AP1G1: variants seen among roughly 807,000 people sequenced by gnomAD.
The protein encoded by AP1G1 is AP-1 complex subunit gamma-1.
AP1G1 carries 7 observed loss-of-function variants against 108.3 expected under a neutral mutation model. That is an observed-to-expected ratio of 0.06 (90% CI 0.04 to 0.12). AP1G1 has a LOEUF of 0.12. Ranked by LOEUF, AP1G1 falls within the 10% of genes least tolerant of loss-of-function variation. The probability of loss-of-function intolerance (pLI) is 1.00; values close to 1 mark genes in which losing one functional copy is unlikely to be tolerated. For missense variants in AP1G1, 756 were observed against 1,010.7 expected (o/e 0.75, Z 3.42); for synonymous variants, 379 against 353.5 (o/e 1.07, Z -0.81).
chr16:71,777,892 C>G (rs2031852162), intron 2 of AP1G1: 1 of 235,052 alleles, frequency 4.3e-6, no homozygotes, highest in Admixed American at 5.0e-5. Flanking sequence ...CAGAGGGGCC[C>G]TGGACAGTGG....
chr16:71,796,343 A>G (rs2032584857), intron 1 of AP1G1, among the ~76,000 whole-genome samples: 1 of 152,220 alleles, frequency 6.6e-6, no homozygotes, highest in Non-Finnish European at 1.5e-5. Context: ...AGGTTTCACC[A>G]TGGCTTAAAA....
At chr16:71,781,716 AT>A (rs1289811246) in intron 2 of AP1G1, among the ~76,000 whole-genome samples, 1 of 152,248 alleles carries the variant, frequency 6.6e-6, no homozygotes, top group Non-Finnish European at 1.5e-5. Context: ...ACTTTTGAAT[AT>A]AAACTTACCT....
intron 16 of AP1G1, 172 bp from the exon 17 acceptor site, chr16:71,746,864 C>T (rs2030207679): frequency 1.9e-6 from 1 of 533,006 alleles, no homozygotes; most frequent in Admixed American, 3.2e-5. Flanking sequence ...ATTTATCTGA[C>T]ATTCGCATTA....
chr16:71,739,194 T>G (rs1189647807), intron 20 of AP1G1, 40 bp downstream of exon 20: 3 of 1,601,030 alleles, frequency 1.9e-6, no homozygotes, highest in Admixed American at 3.3e-5. Flanking sequence ...ATCTCATTAC[T>G]CAGTGCTCCA....
At chr16:71,765,068 C>T (rs999280066) in intron 7 of AP1G1, among the ~76,000 whole-genome samples, 15 of 152,194 alleles carry the variant, frequency 9.9e-5, no homozygotes, top group Non-Finnish European at 1.5e-4. Context: ...AAGTGGGGCA[C>T]AGTGGCTCTT....
At chr16:71,803,407 G>C (rs1044767717) in intron 1 of AP1G1, among the ~76,000 whole-genome samples, 1 of 151,470 alleles carries the variant, frequency 6.6e-6, no homozygotes, top group African/African-American at 2.4e-5. Flanking sequence ...AAATTTCCAA[G>C]TACCTAGTGA....
intron 2 of AP1G1, among the ~76,000 whole-genome samples, chr16:71,787,505 T>C (rs1429533213): frequency 6.6e-6 from 1 of 152,088 alleles, no homozygotes; most frequent in Non-Finnish European, 1.5e-5. Context: ...AAAAAGAATA[T>C]GCTCTTAAAG....
chr16:71,756,314 G>T (rs1229823875), intron 11 of AP1G1, 155 bp from the exon 12 acceptor site: 2 of 587,604 alleles, frequency 3.4e-6, no homozygotes, highest in African/African-American at 3.8e-5. Flanking sequence ...AAATAACCAA[G>T]GAGATGTATT....
chr16:71,807,221 T>A (rs1597098489), intron 1 of AP1G1, among the ~76,000 whole-genome samples: 1 of 152,016 alleles, frequency 6.6e-6, no homozygotes, highest in African/African-American at 2.4e-5. Context: ...AGCTCAGGAG[T>A]TCGAGATCTG....
At chr16:71,754,892 A>G (rs1466087269) in intron 12 of AP1G1, among the ~76,000 whole-genome samples, 2 of 152,160 alleles carry the variant, frequency 1.3e-5, no homozygotes, top group Non-Finnish European at 2.9e-5. Context: ...GAGAAATGAG[A>G]TTTGTTTTCA....
chr16:71,774,164 G>A (rs894774538), intron 3 of AP1G1, among the ~76,000 whole-genome samples: 1 of 146,384 alleles, frequency 6.8e-6, no homozygotes, highest in Non-Finnish European at 1.5e-5. Context: ...GATAATCTGA[G>A]GTCAGGAGTT....
At chr16:71,736,120 ATATATAT>A (rs1567638695) in intron 21 of AP1G1, among the ~76,000 whole-genome samples, 201 of 73,444 alleles carry the variant, frequency 2.7e-3, no homozygotes, top group Non-Finnish European at 3.5e-3. Context: ...AAAAAAAAAT[ATATATAT>A]ATATATATAT....
intron 19 of AP1G1, among the ~76,000 whole-genome samples, chr16:71,741,222 TATC>T (rs2045616414): frequency 6.6e-6 from 1 of 152,190 alleles, no homozygotes; most frequent in Admixed American, 6.5e-5. Context: ...AAGGCTAGAA[TATC>T]ATCTTTTTTT....
intron 7 of AP1G1, 25 bp from the exon 8 acceptor site, chr16:71,764,751 T>C (rs2031244193): frequency 2.0e-6 from 3 of 1,469,440 alleles, no homozygotes; most frequent in Non-Finnish European, 2.8e-6. Context: ...ATGAGAGGTG[T>C]CAACAAATTA....
rs747547132 is a variant in AP1G1 at position 71,789,461 on chromosome 16, A to G, written c.19T>C (p.Leu7=). 2.5e-6 allele frequency: 4 copies of G among 1,614,146 alleles called. No homozygotes were observed. Among genetic ancestry groups the G allele is most frequent in the Non-Finnish European group, 8.5e-7 (1 of 1,180,034 alleles). ...CGGATGGTCCGGATCAGCTCCCGCA[A>G]TCTGATGGGGGCTGGCATCCTCTGG... MPAPIR[L]RELIRTIRTA... Residue 7 remains leucine (L), a synonymous_variant, in exon 2 of 23, where the codon TTG becomes CTG. Transcript: ENST00000299980.
intron 18 of AP1G1, 69 bp from the exon 19 acceptor site, chr16:71,745,339 C>T (rs2030117350): frequency 6.2e-7 from 1 of 1,600,442 alleles, no homozygotes. Flanking sequence ...ATGCAAAGCT[C>T]TTTCAATATG....
At chr16:71,761,066 C>A (rs376141746) in intron 10 of AP1G1, among the ~76,000 whole-genome samples, 1 of 152,122 alleles carries the variant, frequency 6.6e-6, no homozygotes, top group South Asian at 2.1e-4. Flanking sequence ...AAACTACAGC[C>A]CACCTGTAAA....
chr16:71,754,228 A>G (rs1440751619), intron 12 of AP1G1, among the ~76,000 whole-genome samples: 1 of 151,716 alleles, frequency 6.6e-6, no homozygotes, highest in Non-Finnish European at 1.5e-5. Context: ...GAAGAAAGAA[A>G]AGAAAGGGAA....
In AP1G1 at chr16:71,764,219, A is replaced by T; in HGVS notation, c.918+131T>A. On this transcript the variant is annotated intron_variant, in intron 9 of 22. Coordinates refer to ENST00000299980, the MANE Select transcript of AP1G1 (RefSeq NM_001128.6). ...ATATTTCAGATACCAAAAATCCAGC[A>T]TTCCACATTTTGCATCATTCTTTCT... The T allele has an allele frequency of 1.1e-5, 6 of 567,448 alleles. No individual in the cohort carries two copies. The South Asian group carries it at 1.6e-4, about 15-fold the overall frequency. 35.2% of individuals were successfully genotyped at this position (567,448 alleles called of 1,614,324 possible). A position where few individuals can be genotyped will look rare whatever the true frequency, so the allele number is the denominator to read the frequency against.
Sources: allele counts gnomAD v4.1 joint callset (sites outside exome capture counted in the v4.1 genomes callset), GRCh38; gene constraint gnomAD v4.1.1; transcripts MANE v1.5; gene names NCBI Gene and HGNC (gene_info 2026-07-23, HGNC 2026-07-21).